Variants in C8orf89 observed in about 807,000 individuals in gnomAD.
C8orf89 encodes the protein chromosome 8 open reading frame 89.
A neutral mutation model predicts 15.8 loss-of-function variants in C8orf89; 14 were observed. The observed-to-expected ratio is 0.89, with a 90% CI of 0.59 to 1.39. C8orf89 has a LOEUF of 1.39. Ranked by LOEUF, C8orf89 falls within the 40% of genes most tolerant of loss-of-function variation. The pLI, the probability that C8orf89 is intolerant of heterozygous loss-of-function variation, is 0.00. For synonymous variants in C8orf89, 55 were observed against 62.2 expected (o/e 0.88, Z 0.54); for missense variants, 181 against 184.5 (o/e 0.98, Z 0.11).
At chr8:73,258,316 C>A (rs1427068772) in intron 1 of C8orf89, among the ~76,000 whole-genome samples, 1 of 146,774 alleles carries the variant, frequency 6.8e-6, no homozygotes, top group Non-Finnish European at 1.5e-5. Context: ...CAGGCTGAGG[C>A]AGGTGAATCA....
chr8:73,267,963 A>C, the C8orf89 span, among the ~76,000 whole-genome samples: 1 of 152,162 alleles, frequency 6.6e-6, no homozygotes, highest in Admixed American at 6.5e-5. Context: ...GCCAGAAAAA[A>C]ATCAAACCCA....
the C8orf89 span, among the ~76,000 whole-genome samples, chr8:73,264,616 G>A: frequency 6.6e-6 from 1 of 152,124 alleles, no homozygotes; most frequent in Non-Finnish European, 1.5e-5. Context: ...TCAGCCTCCT[G>A]AGTAGCTGGG....
At chr8:73,262,446 T>C (rs975151023), upstream of C8orf89, among the ~76,000 whole-genome samples, 1 of 152,168 alleles carries the variant, frequency 6.6e-6, no homozygotes, top group Non-Finnish European at 1.5e-5. Flanking sequence ...ACATGATAAA[T>C]ACACATTCAT....
Position 73,257,120 on chromosome 8 carries a change from G to T in C8orf89, c.134C>A (p.Thr45Asn), listed in dbSNP as rs191421370. ...GAGCTCTTCTAGACCAAATGCTGTGGTATATTCTGGTTAAAAATATATAAG... is the reference window on the plus strand; with the variant it reads ...GAGCTCTTCTAGACCAAATGCTGTGTTATATTCTGGTTAAAAATATATAAG... ...LETQKIKKEY[T>N]TAFGLEELKE... The change falls in exon 2 of 4, where the codon ACC becomes AAC. Residue 45 changes from threonine (T) to asparagine (N), a missense_variant. Thr to Asn is a moderately conservative substitution (Grantham distance 65). Coordinates refer to ENST00000624510, the MANE Select transcript of C8orf89 (RefSeq NM_001243237.3). 4.2e-4 allele frequency: 645 copies of T among 1,525,430 alleles called. 2 individuals carry two copies. In the African/African-American group the frequency reaches 7.8e-3, roughly 19 times the overall value. 94.5% of individuals were successfully genotyped at this position (1,525,430 alleles called of 1,614,324 possible). A position where few individuals can be genotyped will look rare whatever the true frequency, so the allele number is the denominator to read the frequency against.
At chr8:73,259,191 C>T in intron 1 of C8orf89, 141 bp downstream of exon 1, 2 of 526,540 alleles carry the variant, frequency 3.8e-6, no homozygotes, top group East Asian at 3.4e-5. Flanking sequence ...AGTTTGCTTC[C>T]ATTTTTCTTT....
chr8:73,247,180 C>T (rs1813145948), intron 3 of C8orf89, among the ~76,000 whole-genome samples: 1 of 152,062 alleles, frequency 6.6e-6, no homozygotes, highest in Non-Finnish European at 1.5e-5. Flanking sequence ...TTTCCTGATC[C>T]TTTCCCACCT....
At chr8:73,250,138 A>G (rs1813215403) in intron 3 of C8orf89, 130 bp downstream of exon 3, 1 of 600,852 alleles carries the variant, frequency 1.7e-6, no homozygotes, top group Admixed American at 3.2e-5. Context: ...TTATAAAATA[A>G]ACAAAGCTTA....
intron 2 of C8orf89, among the ~76,000 whole-genome samples, chr8:73,254,043 C>T (rs1813309662): frequency 6.6e-6 from 1 of 152,098 alleles, no homozygotes; most frequent in Admixed American, 6.5e-5. Context: ...AGTTTTTGCC[C>T]ATTCACTATG....
chr8:73,274,644 A>G, the C8orf89 span, among the ~76,000 whole-genome samples: 1 of 152,186 alleles, frequency 6.6e-6, no homozygotes, highest in South Asian at 2.1e-4. Flanking sequence ...ATATTTTTCC[A>G]TCCCCCATCA....
intron 3 of C8orf89, among the ~76,000 whole-genome samples, chr8:73,247,212 CATTAGTTTGCTAAGG>C (rs1004137577): frequency 1.3e-5 from 2 of 152,000 alleles, no homozygotes; most frequent in African/African-American, 4.8e-5. Context: ...CACCCTCCTG[CATTAGTTTGCTAAGG>C]ATAATGGCCT....
the C8orf89 span, chr8:73,277,746 G>A: frequency 1.3e-6 from 1 of 745,048 alleles, no homozygotes; most frequent in South Asian, 1.3e-5. Flanking sequence ...CGTCCACATG[G>A]GTTTTAGGGA....
chr8:73,272,789 AT>A, the C8orf89 span, among the ~76,000 whole-genome samples: 1 of 152,092 alleles, frequency 6.6e-6, no homozygotes, highest in Admixed American at 6.5e-5. Context: ...TGAACTCATC[AT>A]TTTTTTATGG....
intron 2 of C8orf89, among the ~76,000 whole-genome samples, chr8:73,253,653 T>A (rs185058199): frequency 0.019 from 2,823 of 151,760 alleles, 38 homozygotes; most frequent in Non-Finnish European, 0.031. Flanking sequence ...GTCCTTCACG[T>A]CCCTTATAAG....
chr8:73,265,105 T>C, the C8orf89 span, among the ~76,000 whole-genome samples: 4 of 152,210 alleles, frequency 2.6e-5, no homozygotes, highest in Non-Finnish European at 1.5e-5. Flanking sequence ...ATCTAAAATA[T>C]CTCATTAACA....
chr8:73,268,207 C>T, the C8orf89 span, among the ~76,000 whole-genome samples: 4 of 151,922 alleles, frequency 2.6e-5, no homozygotes, highest in African/African-American at 9.7e-5. Flanking sequence ...AGGCTGGGCG[C>T]GGTGCCTCAT....
At chr8:73,253,297 T>C (rs987221044) in intron 2 of C8orf89, among the ~76,000 whole-genome samples, 8 of 152,362 alleles carry the variant, frequency 5.3e-5, no homozygotes, top group Admixed American at 4.6e-4. Flanking sequence ...GTCTGATTTC[T>C]AGAAGGAAAA....
At chr8:73,258,202 G>A (rs931622268) in intron 1 of C8orf89, among the ~76,000 whole-genome samples, 3 of 152,080 alleles carry the variant, frequency 2.0e-5, no homozygotes, top group Admixed American at 6.5e-5. Context: ...ACAAGGTCAG[G>A]AGATCGAGAC....
chr8:73,284,192 A>G, the C8orf89 span, among the ~76,000 whole-genome samples: 1 of 150,186 alleles, frequency 6.7e-6, no homozygotes, highest in Non-Finnish European at 1.5e-5. Flanking sequence ...ACTGATATGA[A>G]TGGTATTCTC....
upstream of C8orf89, among the ~76,000 whole-genome samples, chr8:73,260,751 A>T (rs903497321): frequency 1.3e-5 from 2 of 152,126 alleles, no homozygotes; most frequent in Non-Finnish European, 2.9e-5. Context: ...TGTGATGGTT[A>T]ATATTGAGTG....
Sources: allele counts gnomAD v4.1 joint callset (sites outside exome capture counted in the v4.1 genomes callset), GRCh38; gene constraint gnomAD v4.1.1; transcripts MANE v1.5; gene names NCBI Gene and HGNC (gene_info 2026-07-23, HGNC 2026-07-21).